MAPRE2: variants seen among roughly 807,000 people sequenced by gnomAD.
The protein encoded by MAPRE2 is microtubule associated protein RP/EB family member 2, also known as microtubule-associated protein RP/EB family member 2.
In MAPRE2, 13 loss-of-function variants were observed where a neutral mutation model predicts 43.2. The observed-to-expected ratio is 0.30, with a 90% CI of 0.20 to 0.48. MAPRE2 has a LOEUF of 0.48. Among genes scored for constraint, MAPRE2 ranks in the 20% least tolerant of loss-of-function variants. The pLI is 0.99. For synonymous variants in MAPRE2, 135 were observed against 148.8 expected (o/e 0.91, Z 0.68); for missense variants, 161 against 400.2 (o/e 0.40, Z 5.10).
chr18:35,038,525 C>T (rs1003840760), upstream of MAPRE2, among the ~76,000 whole-genome samples: 2 of 152,170 alleles, frequency 1.3e-5, no homozygotes, highest in African/African-American at 2.4e-5. Context: ...CAATGTCTCC[C>T]TTCTGGGATT....
chr18:34,995,285 T>C (rs1004449128), intron 1 of MAPRE2, among the ~76,000 whole-genome samples: 1 of 152,200 alleles, frequency 6.6e-6, no homozygotes, highest in Non-Finnish European at 1.5e-5. Context: ...TTAAGTTTTT[T>C]AGCTCATTGT....
chr18:35,086,287 A>G (rs1603399491), intron 2 of MAPRE2, among the ~76,000 whole-genome samples: 2 of 151,916 alleles, frequency 1.3e-5, no homozygotes, highest in East Asian at 3.9e-4. Context: ...TATGAGATAC[A>G]TATATAGATA....
At chr18:35,064,084 T>C (rs1906709094) in intron 1 of MAPRE2, among the ~76,000 whole-genome samples, 1 of 142,846 alleles carries the variant, frequency 7.0e-6, no homozygotes, top group Non-Finnish European at 1.5e-5. Flanking sequence ...TCAGGGATGC[T>C]GATACAGTAG....
intron 2 of MAPRE2, among the ~76,000 whole-genome samples, chr18:35,028,930 G>C (rs1293177343): frequency 6.6e-6 from 1 of 152,174 alleles, no homozygotes; most frequent in African/African-American, 2.4e-5. Context: ...CACATATTAA[G>C]ACTAAGACCT....
Position 35,140,364 on chromosome 18 carries a change from T to C in MAPRE2, c.979T>C (p.Tyr327His). ...ACAGCAGCCCCCGCAGCAGGAAGAG[T>C]ACTGACCCACCCCGGCTGCTCTTGA... ...HEQQPPQQEEY is the reference protein window; with the variant it reads ...HEQQPPQQEEH The change falls in exon 7 of 7, where the codon TAC becomes CAC. Residue 327 changes from tyrosine to histidine, a missense_variant. Coordinates refer to ENST00000300249, the MANE Select transcript of MAPRE2 (RefSeq NM_014268.4). 6.2e-7 allele frequency: 1 copy of C among 1,611,890 alleles called. No homozygotes were observed. Among genetic ancestry groups the C allele is most frequent in the Non-Finnish European group, 8.5e-7 (1 of 1,179,192 alleles).
At chr18:35,029,689 T>G (rs1160430965) in intron 2 of MAPRE2, among the ~76,000 whole-genome samples, 4 of 152,158 alleles carry the variant, frequency 2.6e-5, no homozygotes, top group Middle Eastern at 3.2e-3. Flanking sequence ...GTACTTGGAG[T>G]CTCTTCATTT....
At chr18:35,018,099 G>T (rs1388619734) in intron 2 of MAPRE2, among the ~76,000 whole-genome samples, 1 of 151,856 alleles carries the variant, frequency 6.6e-6, no homozygotes, top group Non-Finnish European at 1.5e-5. Flanking sequence ...CTGTTTATGT[G>T]GTGAATCACA....
chr18:35,061,056 C>T (rs1424787776), intron 1 of MAPRE2, among the ~76,000 whole-genome samples: 3 of 151,108 alleles, frequency 2.0e-5, no homozygotes, highest in Non-Finnish European at 4.4e-5. Flanking sequence ...TATGTTCATT[C>T]TCTCTTGGAG....
intron 2 of MAPRE2, among the ~76,000 whole-genome samples, chr18:35,007,151 A>G (rs1312441134): frequency 2.0e-5 from 3 of 152,218 alleles, no homozygotes; most frequent in African/African-American, 2.4e-5. Flanking sequence ...GCTGCGGATC[A>G]TAAGTGCCCT....
rs548706227 is a variant in MAPRE2 at position 34,977,062 on chromosome 18, G to A, written c.-87G>A. 3.4e-3 allele frequency: 562 copies of A among 163,618 alleles called. 3 individuals are homozygous for A. Among genetic ancestry groups the A allele is most frequent in the Middle Eastern group, 9.0e-3 (3 of 334 alleles). The allele number at this position is 163,618 out of a possible 1,614,324, so 10.1% of individuals were successfully genotyped here. A position where few individuals can be genotyped will look rare whatever the true frequency, so the allele number is the denominator to read the frequency against. ...CCCCAGCTGTCAGCAGAGGAAGGAGGCGACAGCGCCGGAGCAGGTGAGTCA... is the reference window on the plus strand; with the variant it reads ...CCCCAGCTGTCAGCAGAGGAAGGAGACGACAGCGCCGGAGCAGGTGAGTCA... On this transcript the variant is annotated 5_prime_UTR_variant, in exon 1 of 8. Transcript: ENST00000413393.
intron 2 of MAPRE2, among the ~76,000 whole-genome samples, chr18:35,030,344 A>G (rs536341623): frequency 1.3e-5 from 2 of 152,180 alleles, no homozygotes; most frequent in Admixed American, 6.5e-5. Flanking sequence ...ACCATCAGCT[A>G]TCTCATCCCT....
At chr18:35,033,774 G>C (rs1439220512) in intron 2 of MAPRE2, among the ~76,000 whole-genome samples, 1 of 150,508 alleles carries the variant, frequency 6.6e-6, no homozygotes, top group Non-Finnish European at 1.5e-5. Context: ...TTGCTTCAAA[G>C]AGAATAAAAT....
Position 35,127,037 on chromosome 18 carries a change from T to C in MAPRE2, c.700T>C (p.Ser234Pro). 1 of 1,614,108 alleles carries C rather than the reference T, an allele frequency of 6.2e-7. No homozygotes were observed. Among genetic ancestry groups the C allele is most frequent in the Non-Finnish European group, 8.5e-7 (1 of 1,180,018 alleles). The change falls in exon 5 of 7, where the codon TCC becomes CCC. Residue 234 changes from serine (S) to proline (P), a missense_variant. Coordinates refer to ENST00000300249, the MANE Select transcript of MAPRE2 (RefSeq NM_014268.4). The part of the protein sequence containing the change: ...AKRASSSGSA[S>P]KSDKDLETQV... ...AAGGGCTTCTTCCAGTGGCTCAGCA[T>C]CCAAATCCGATAAAGATTTAGAAAC...
chr18:35,049,989 A>G (rs576647313), intron 1 of MAPRE2, among the ~76,000 whole-genome samples: 127 of 152,294 alleles, frequency 8.3e-4, no homozygotes, highest in Admixed American at 1.8e-3. Context: ...CAATTTTTAT[A>G]TTTGTATTGG....
At chr18:35,093,381 A>G (rs538417030) in intron 2 of MAPRE2, among the ~76,000 whole-genome samples, 2 of 152,300 alleles carry the variant, frequency 1.3e-5, no homozygotes, top group East Asian at 3.9e-4. Context: ...CACTAAAAAT[A>G]GAACTACCGT....
chr18:35,052,897 G>A (rs1225181705), intron 1 of MAPRE2, among the ~76,000 whole-genome samples: 1 of 151,902 alleles, frequency 6.6e-6, no homozygotes, highest in African/African-American at 2.4e-5. Context: ...AAAAAAATAG[G>A]TTATCTTTTT....
chr18:35,018,943 G>A (rs557622444), intron 2 of MAPRE2, among the ~76,000 whole-genome samples: 9 of 151,668 alleles, frequency 5.9e-5, no homozygotes, highest in Non-Finnish European at 1.3e-4. Context: ...TTCTTTTTGA[G>A]GTAGGCATTT....
chr18:35,127,657 AAGTT>A lies in MAPRE2; in HGVS notation c.750+572_750+575del, dbSNP rs1346892603. The A allele has an allele frequency of 2.0e-5, 3 of 152,234 alleles. No individual in the cohort carries two copies. The East Asian group carries it at 5.8e-4, about 29-fold the overall frequency. The allele number at this position is 152,234 out of a possible 1,614,324, so 9.4% of individuals were successfully genotyped here. A position where few individuals can be genotyped will look rare whatever the true frequency, so the allele number is the denominator to read the frequency against. ...CTTGGAGATAGCAGTTGCACACAGT[AAGTT>A]ATTACACAAGCAAAACAAAAAACCT... is the stretch of plus-strand genomic sequence containing the variant. On this transcript the variant is annotated intron_variant, in intron 5 of 6. Transcript: ENST00000300249.
chr18:35,103,267 A>G (rs1335750348), intron 4 of MAPRE2, among the ~76,000 whole-genome samples: 1 of 152,188 alleles, frequency 6.6e-6, no homozygotes, highest in Non-Finnish European at 1.5e-5. Context: ...CATGTAGATG[A>G]AGAGGAATGA....
Sources: allele counts gnomAD v4.1 joint callset (sites outside exome capture counted in the v4.1 genomes callset), GRCh38; gene constraint gnomAD v4.1.1; transcripts MANE v1.5; gene names NCBI Gene and HGNC (gene_info 2026-07-23, HGNC 2026-07-21).